TADA2A: variants seen among roughly 807,000 people sequenced by gnomAD.
TADA2A encodes the protein transcriptional adaptor 2A.
Under a neutral mutation model 67.4 loss-of-function variants are expected in TADA2A, and 38 were observed. The ratio of observed to expected loss-of-function variants is 0.56; its 90% CI spans 0.44 to 0.74. The LOEUF (loss-of-function observed/expected upper bound fraction) is 0.74, where lower values mean the gene tolerates loss of function less well. Among genes scored for constraint, TADA2A ranks in the 30% least tolerant of loss-of-function variants. TADA2A has a pLI of 0.00. For missense variants in TADA2A, 454 were observed against 547.0 expected (o/e 0.83, Z 1.70); for synonymous variants, 192 against 181.6 (o/e 1.06, Z -0.46).
At chr17:37,439,343 C>T (rs568395974) in intron 5 of TADA2A, among the ~76,000 whole-genome samples, 1 of 152,172 alleles carries the variant, frequency 6.6e-6, no homozygotes, top group African/African-American at 2.4e-5. Flanking sequence ...AGTACAGGGG[C>T]ATGAGCTTGA....
intron 15 of TADA2A, among the ~76,000 whole-genome samples, chr17:37,475,469 C>T (rs1008612946): frequency 6.0e-5 from 9 of 151,054 alleles, no homozygotes; most frequent in Non-Finnish European, 1.3e-4. Context: ...AGCCACCTCA[C>T]CCGGCCTATT....
Position 37,419,547 on chromosome 17 carries a change from G to A in TADA2A, c.26-3962G>A, listed in dbSNP as rs1268516599. ...CAATCCTAGCACTTTGGGAGGCTAC[G>A]CCAGGTAGATTGCTTGAATCCAGGA... On this transcript the variant is annotated intron_variant, in intron 2 of 15. Transcript: ENST00000615182. Among the ~76,000 whole-genome samples, 9 of 146,550 alleles carry A rather than the reference G, an allele frequency of 6.1e-5. 1 individual carries two copies. The highest frequency in any genetic ancestry group is 2.2e-4 in the South Asian group (1 of 4,506).
At chr17:37,456,149 AG>A (rs1299162967) in intron 8 of TADA2A, among the ~76,000 whole-genome samples, 2 of 152,196 alleles carry the variant, frequency 1.3e-5, no homozygotes, top group African/African-American at 4.8e-5. Flanking sequence ...GGTTGCAGTG[AG>A]CCAAGCGCCC....
chr17:37,427,098 C>G, intron 4 of TADA2A, 89 bp downstream of exon 4: 1 of 1,115,824 alleles, frequency 9.0e-7, no homozygotes, highest in Non-Finnish European at 1.3e-6. Flanking sequence ...TCTTTAAGCT[C>G]TCTTGGACTT....
rs975314995 is a variant in TADA2A at position 37,437,635 on chromosome 17, C to T, written c.193-103C>T. ...CTCCTGACCTCAGGTGATCCGCCCG[C>T]CTCCGCCTTCCAAAGTGCTGGGAGT... On this transcript the variant is annotated intron_variant, in intron 4 of 15. Coordinates refer to ENST00000615182, the MANE Select transcript of TADA2A (RefSeq NM_001166105.3). 1.3e-5 allele frequency: 13 copies of T among 972,926 alleles called. No homozygotes were observed. The East Asian group carries it at 2.9e-4, about 22-fold the overall frequency. 60.3% of individuals were successfully genotyped at this position (972,926 alleles called of 1,614,324 possible).
chr17:37,468,510 C>G (rs886564516), intron 12 of TADA2A, among the ~76,000 whole-genome samples: 6 of 151,702 alleles, frequency 4.0e-5, no homozygotes, highest in African/African-American at 1.5e-4. Context: ...TGATGTGATT[C>G]TATCCAAATT....
chr17:37,422,392 G>T lies in TADA2A; in HGVS notation c.26-1117G>T, dbSNP rs970409612. On this transcript the variant is annotated intron_variant, in intron 2 of 15. Coordinates refer to ENST00000615182, the MANE Select transcript of TADA2A (RefSeq NM_001166105.3). ...GACAGGGTTTCACTGTGTTGCCCAGGCTGGTCTCAAACTCCTAAGAGCAGG... is the reference window on the plus strand; with the variant it reads ...GACAGGGTTTCACTGTGTTGCCCAGTCTGGTCTCAAACTCCTAAGAGCAGG... Among the ~76,000 whole-genome samples the T allele has an allele frequency of 2.7e-5, 4 of 150,938 alleles. 1 individual carries two copies. In the East Asian group the frequency reaches 7.8e-4, roughly 29 times the overall value.
At chr17:37,425,539 A>G (rs561357257) in intron 3 of TADA2A, among the ~76,000 whole-genome samples, 69 of 152,322 alleles carry the variant, frequency 4.5e-4, no homozygotes, top group African/African-American at 1.4e-3. Flanking sequence ...ATCAGATCTA[A>G]GACACCATTG....
rs147982815 is a variant in TADA2A, at chr17:37,453,389, T to A, written c.605-5135T>A. On this transcript the variant is annotated intron_variant, in intron 8 of 15. Coordinates refer to ENST00000615182, the MANE Select transcript of TADA2A (RefSeq NM_001166105.3). ...ATCGTATTCTGTTCTTTTACTTGAT[T>A]GGTCCCACTTTTTTTCTACCCTAAC... Among the ~76,000 whole-genome samples, 200 of 152,302 alleles carry A rather than the reference T, an allele frequency of 1.3e-3. 7 individuals are homozygous for A. The South Asian group carries it at 0.039, about 30-fold the overall frequency.
At chr17:37,450,160 A>G (rs1000020853) in intron 8 of TADA2A, among the ~76,000 whole-genome samples, 1 of 152,200 alleles carries the variant, frequency 6.6e-6, no homozygotes, top group Non-Finnish European at 1.5e-5. Flanking sequence ...CCTGGGCTGC[A>G]TGTGACTCAC....
intron 8 of TADA2A, among the ~76,000 whole-genome samples, chr17:37,449,088 TTG>T (rs1485111832): frequency 1.3e-5 from 2 of 152,104 alleles, no homozygotes; most frequent in Non-Finnish European, 2.9e-5. Flanking sequence ...TGGCGCGATC[TTG>T]GCTCGCTGCA....
intron 4 of TADA2A, among the ~76,000 whole-genome samples, chr17:37,432,982 A>G (rs1384897015): frequency 7.0e-6 from 1 of 141,884 alleles, no homozygotes; most frequent in African/African-American, 2.6e-5. Flanking sequence ...ATTCAGATAC[A>G]AATAAGATTC....
chr17:37,414,399 C>A (rs755779229), intron 2 of TADA2A, among the ~76,000 whole-genome samples: 3 of 151,740 alleles, frequency 2.0e-5, no homozygotes, highest in Non-Finnish European at 4.4e-5. Context: ...TTTGGCATAA[C>A]TAAATACTCC....
intron 3 of TADA2A, among the ~76,000 whole-genome samples, chr17:37,424,508 CTG>C (rs1193050915): frequency 6.6e-6 from 1 of 151,914 alleles, no homozygotes; most frequent in South Asian, 2.1e-4. Flanking sequence ...GAGCAAGACT[CTG>C]TATCAAAAAA....
intron 4 of TADA2A, among the ~76,000 whole-genome samples, chr17:37,434,160 C>T (rs921645900): frequency 3.9e-5 from 6 of 152,108 alleles, no homozygotes; most frequent in East Asian, 1.9e-4. Flanking sequence ...CTTGACAGGT[C>T]GAAGTGTATT....
rs2051548035 is a variant in TADA2A at position 37,406,896 on chromosome 17, C to T, written c.-151C>T. The T allele has an allele frequency of 1.5e-5, 2 of 136,648 alleles. No homozygotes were observed. Among genetic ancestry groups the T allele is most frequent in the Non-Finnish European group, 3.2e-5 (2 of 63,284 alleles). 8.5% of individuals were successfully genotyped at this position (136,648 alleles called of 1,614,324 possible). ...CGCCCGGGGGCGCGCACGCAAAGCC[C>T]GGAGGCGCGCGCGACCGGCGGCTCT... On this transcript the variant is annotated 5_prime_UTR_variant, in exon 1 of 16. Transcript: ENST00000615182.
At chr17:37,459,259 T>A (rs1262377009) in intron 9 of TADA2A, among the ~76,000 whole-genome samples, 1 of 151,594 alleles carries the variant, frequency 6.6e-6, no homozygotes, top group Non-Finnish European at 1.5e-5. Flanking sequence ...TTTTTTTTTT[T>A]AATATTTGTG....
At position 37,420,094 on chromosome 17, in the gene TADA2A, A is replaced by G. The variant is rs566944498; in HGVS notation, c.26-3415A>G. Among the ~76,000 whole-genome samples the G allele has an allele frequency of 2.7e-5, 4 of 146,466 alleles. 1 individual carries two copies. The highest frequency in any genetic ancestry group is 6.1e-5 in the Non-Finnish European group (4 of 65,694). ...TTGGAGGAAAGAGAGAAGCAAGCTT[A>G]TATCTAACAGGAAGTGAGGAAGAGG... On this transcript the variant is annotated intron_variant, in intron 2 of 15. Coordinates refer to ENST00000615182, the MANE Select transcript of TADA2A (RefSeq NM_001166105.3).
chr17:37,433,743 G>A (rs143942804), intron 4 of TADA2A, among the ~76,000 whole-genome samples: 10 of 151,494 alleles, frequency 6.6e-5, no homozygotes, highest in East Asian at 3.9e-4. Context: ...ACTTGAGGTC[G>A]GGAGTTCAAG....
Sources: gnomAD v4.1 joint callset for allele counts (sites outside exome capture counted in the v4.1 genomes callset) on GRCh38, gnomAD v4.1.1 for gene constraint, MANE v1.5 for transcripts, NCBI Gene and HGNC (gene_info 2026-07-23, HGNC 2026-07-21) for gene names.